PARL: variants seen among roughly 807,000 people sequenced by gnomAD.
PARL encodes presenilin-associated rhomboid-like protein, mitochondrial.
Under a neutral mutation model 51.6 loss-of-function variants are expected in PARL, and 44 were observed. The observed-to-expected ratio is 0.85, with a 90% CI of 0.67 to 1.10. The LOEUF (loss-of-function observed/expected upper bound fraction) is 1.10. PARL is among the 50% of genes least tolerant of loss of function. The probability of loss-of-function intolerance (pLI) is 0.00; values close to 1 mark genes in which losing one functional copy is unlikely to be tolerated. For missense variants in PARL, 441 were observed against 469.5 expected (o/e 0.94, Z 0.56); for synonymous variants, 172 against 164.0 (o/e 1.05, Z -0.37).
intron 9 of PARL, among the ~76,000 whole-genome samples, chr3:183,830,813 T>C (rs1251446222): frequency 6.6e-6 from 1 of 152,232 alleles, no homozygotes; most frequent in Admixed American, 6.5e-5. Flanking sequence ...AAAATCTGAT[T>C]ATACACATTA....
chr3:183,827,090 C>T (rs999659139), downstream of PARL, among the ~76,000 whole-genome samples: 22 of 150,782 alleles, frequency 1.5e-4, no homozygotes, highest in African/African-American at 4.9e-4. Context: ...ATGTAGGTCA[C>T]GGGGGAGGAG....
chr3:183,829,243 C>T (rs1727638014), downstream of PARL: 2 of 389,724 alleles, frequency 5.1e-6, no homozygotes, highest in African/African-American at 2.1e-5. Context: ...AGCAGAGGCA[C>T]TGGAGGGTCC....
intron 7 of PARL, among the ~76,000 whole-genome samples, chr3:183,835,994 G>C (rs1728526940): frequency 6.6e-6 from 1 of 152,032 alleles, no homozygotes. Context: ...GAGGCGGGCA[G>C]ATCACCTGAG....
chr3:183,835,792 GCCACTGTA>G, intron 7 of PARL, among the ~76,000 whole-genome samples: 1 of 152,126 alleles, frequency 6.6e-6, no homozygotes, highest in South Asian at 2.1e-4. Context: ...CCAAGATTGA[GCCACTGTA>G]CTCCAGCCTG....
chr3:183,867,407 G>A (rs1490143450), intron 2 of PARL, among the ~76,000 whole-genome samples: 2 of 151,908 alleles, frequency 1.3e-5, no homozygotes, highest in Non-Finnish European at 2.9e-5. Flanking sequence ...CAATTTTTAA[G>A]TTCAGACTCT....
chr3:183,870,244 C>A (rs10049318), intron 1 of PARL, among the ~76,000 whole-genome samples: 2 of 83,028 alleles, frequency 2.4e-5, no homozygotes, highest in South Asian at 8.7e-4. Context: ...CACCACTGCA[C>A]TCCAGCATAG....
intron 5 of PARL, 60 bp from the exon 6 acceptor site, chr3:183,842,507 C>T (rs906465497): frequency 6.5e-7 from 1 of 1,538,080 alleles, no homozygotes; most frequent in African/African-American, 1.4e-5. Flanking sequence ...AAAAATTATC[C>T]ATTTTAAACT....
intron 1 of PARL, among the ~76,000 whole-genome samples, chr3:183,881,576 T>C (rs138820739): frequency 3.4e-4 from 52 of 152,322 alleles, no homozygotes; most frequent in African/African-American, 1.2e-3. Context: ...GCACACACAA[T>C]TGATTAGATT....
intron 7 of PARL, among the ~76,000 whole-genome samples, chr3:183,837,275 T>C (rs954767649): frequency 1.3e-5 from 2 of 150,976 alleles, no homozygotes; most frequent in African/African-American, 5.0e-5. Context: ...GGTGGTGAGT[T>C]CCCTGGGCTT....
chr3:183,872,640 C>G (rs1029909983), intron 1 of PARL, among the ~76,000 whole-genome samples: 1 of 152,142 alleles, frequency 6.6e-6, no homozygotes, highest in Non-Finnish European at 1.5e-5. Flanking sequence ...TTCCCCTTGC[C>G]TGCTTTTTCT....
intron 1 of PARL, among the ~76,000 whole-genome samples, chr3:183,879,326 A>G (rs190256811): frequency 5.6e-4 from 85 of 152,350 alleles, no homozygotes; most frequent in African/African-American, 1.9e-3. Flanking sequence ...GTGAAATTCA[A>G]TTTCAAGATT....
intron 8 of PARL, 32 bp from the exon 9 acceptor site, chr3:183,833,621 T>A (rs1560369391): frequency 6.5e-7 from 1 of 1,531,582 alleles, no homozygotes; most frequent in East Asian, 2.2e-5. Flanking sequence ...GCGGCACAAC[T>A]GTGATTGCTC....
At chr3:183,837,010 G>T (rs1264344973) in intron 7 of PARL, among the ~76,000 whole-genome samples, 1 of 152,062 alleles carries the variant, frequency 6.6e-6, no homozygotes, top group Non-Finnish European at 1.5e-5. Flanking sequence ...CAAAGTGCTG[G>T]GATTACAGTT....
chr3:183,874,502 G>T, intron 1 of PARL, among the ~76,000 whole-genome samples: 1 of 150,222 alleles, frequency 6.7e-6, no homozygotes, highest in South Asian at 2.1e-4. Context: ...TCCACCTCTC[G>T]GGTGCAAGCG....
intron 1 of PARL, among the ~76,000 whole-genome samples, chr3:183,868,473 CGA>C (rs1459248124): frequency 6.6e-6 from 1 of 151,992 alleles, no homozygotes; most frequent in African/African-American, 2.4e-5. Flanking sequence ...CTCAGTGGTA[CGA>C]TCATGGCTCA....
intron 1 of PARL, among the ~76,000 whole-genome samples, chr3:183,879,932 T>C (rs1734256571): frequency 6.7e-6 from 1 of 148,766 alleles, no homozygotes; most frequent in Non-Finnish European, 1.5e-5. Flanking sequence ...GGTTTCGCCA[T>C]ATTGGCCAGG....
intron 4 of PARL, among the ~76,000 whole-genome samples, chr3:183,852,514 T>C (rs1730665384): frequency 6.6e-6 from 1 of 152,122 alleles, no homozygotes; most frequent in Admixed American, 6.5e-5. Context: ...TAGGGAGCTA[T>C]TGTTTAACAG....
At chr3:183,836,787 A>G (rs1423115309) in intron 7 of PARL, among the ~76,000 whole-genome samples, 1 of 152,192 alleles carries the variant, frequency 6.6e-6, no homozygotes, top group Non-Finnish European at 1.5e-5. Context: ...GCTATTGCCC[A>G]AACTGGAGTG....
intron 1 of PARL, among the ~76,000 whole-genome samples, chr3:183,877,158 G>A (rs756520412): frequency 6.6e-6 from 1 of 152,184 alleles, no homozygotes; most frequent in Non-Finnish European, 1.5e-5. Flanking sequence ...AGGTTGCAGT[G>A]AGCCAAGATC....
Sources: allele counts gnomAD v4.1 joint callset (sites outside exome capture counted in the v4.1 genomes callset), GRCh38; gene constraint gnomAD v4.1.1; transcripts MANE v1.5; gene names NCBI Gene and HGNC (gene_info 2026-07-23, HGNC 2026-07-21).